The following ADCY1 variants were observed in gnomAD, a reference collection of about 807,000 sequenced individuals.
ADCY1 encodes the protein adenylate cyclase 1.
A neutral mutation model predicts 105.4 loss-of-function variants in ADCY1; 28 were observed. That is an observed-to-expected ratio of 0.27 (90% CI 0.20 to 0.36). The LOEUF is 0.36. Ranked by LOEUF, ADCY1 falls within the 10% of genes least tolerant of loss-of-function variation. The pLI is 1.00. For synonymous variants in ADCY1, 655 were observed against 623.8 expected, an observed-to-expected ratio of 1.05 and a Z score of -0.75; for missense variants, 977 against 1,434.2, an observed-to-expected ratio of 0.68 and a Z score of 5.15.
At chr7:45,704,687 G>A (rs1785074691) in intron 17 of ADCY1, 71 bp downstream of exon 17, 36 of 1,272,162 alleles carry the variant, frequency 2.8e-5, no homozygotes, top group Non-Finnish European at 4.0e-5. Context: ...CTGGGACCCT[G>A]GGTAGCTTCC....
intron 3 of ADCY1, among the ~76,000 whole-genome samples, chr7:45,610,968 T>G (rs1793563738): frequency 7.4e-6 from 1 of 135,786 alleles, no homozygotes; most frequent in African/African-American, 2.8e-5. Flanking sequence ...GTAGAGGTGA[T>G]GGTGGAGGTG....
chr7:45,626,184 GC>G (rs1281988213), intron 4 of ADCY1, among the ~76,000 whole-genome samples: 3 of 152,226 alleles, frequency 2.0e-5, no homozygotes, highest in African/African-American at 7.2e-5. Flanking sequence ...CACAGAAGCA[GC>G]CACAAATACG....
intron 5 of ADCY1, among the ~76,000 whole-genome samples, chr7:45,652,068 A>G (rs1829648): frequency 0.019 from 2,933 of 152,252 alleles, 88 homozygotes; most frequent in African/African-American, 0.058. Context: ...GCGGAAGGCA[A>G]AGGGGAGGCA....
At chr7:45,707,637 C>T (rs1177466483) in intron 17 of ADCY1, among the ~76,000 whole-genome samples, 1 of 152,100 alleles carries the variant, frequency 6.6e-6, no homozygotes, top group Admixed American at 6.5e-5. Flanking sequence ...ATGGACAATA[C>T]CAAGAGTGAA....
intron 11 of ADCY1, among the ~76,000 whole-genome samples, chr7:45,680,999 A>G (rs539728429): frequency 6.6e-6 from 1 of 152,224 alleles, no homozygotes; most frequent in South Asian, 2.1e-4. Context: ...GCTTTCTGTG[A>G]CTCCACGAGA....
intron 2 of ADCY1, among the ~76,000 whole-genome samples, chr7:45,604,292 A>G (rs967580882): frequency 6.6e-6 from 1 of 152,208 alleles, no homozygotes; most frequent in African/African-American, 2.4e-5. Context: ...TATTTTCTCA[A>G]AACCTATAGT....
rs572179029 is a variant in ADCY1, at chr7:45,687,943, G to A, written c.2454+1270G>A. ...GCCCAGAGTTGGGGCACAGACACCA[G>A]ACAGGCACAGCCCAGAGGGTGCCCA... On this transcript the variant is annotated intron_variant, in intron 14 of 19. Transcript: ENST00000297323. Among the ~76,000 whole-genome samples the A allele has an allele frequency of 4.6e-5, 7 of 152,360 alleles. No individual in the cohort carries two copies. The South Asian group carries it at 1.5e-3, about 32-fold the overall frequency.
At chr7:45,700,200 C>T (rs531556483) in intron 14 of ADCY1, among the ~76,000 whole-genome samples, 2 of 152,276 alleles carry the variant, frequency 1.3e-5, no homozygotes, top group East Asian at 3.9e-4. Flanking sequence ...GTGCACCCTG[C>T]CCAGCCTGCC....
At chr7:45,617,073 T>A (rs1405310260) in intron 3 of ADCY1, among the ~76,000 whole-genome samples, 2 of 152,232 alleles carry the variant, frequency 1.3e-5, no homozygotes, top group African/African-American at 4.8e-5. Flanking sequence ...CCACACCGAT[T>A]CTGCAACCTA....
chr7:45,625,510 A>C (rs571683391), intron 4 of ADCY1, among the ~76,000 whole-genome samples: 1 of 152,138 alleles, frequency 6.6e-6, no homozygotes, highest in African/African-American at 2.4e-5. Flanking sequence ...TGAATGTGTG[A>C]ACATGGGTGT....
chr7:45,608,124 T>C (rs1793430819), intron 2 of ADCY1, among the ~76,000 whole-genome samples: 1 of 152,238 alleles, frequency 6.6e-6, no homozygotes, highest in Admixed American at 6.5e-5. Flanking sequence ...TTTTTTGACT[T>C]TTTAATGGTA....
At chr7:45,604,046 T>C (rs942501074) in intron 2 of ADCY1, among the ~76,000 whole-genome samples, 1 of 152,156 alleles carries the variant, frequency 6.6e-6, no homozygotes, top group Admixed American at 6.5e-5. Context: ...TGAACATAGG[T>C]ACTAATTTTT....
At chr7:45,660,250 T>A (rs910261592) in intron 7 of ADCY1, 67 bp downstream of exon 7, 1 of 1,583,526 alleles carries the variant, frequency 6.3e-7, no homozygotes, top group African/African-American at 1.4e-5. Flanking sequence ...GCTTTACAGA[T>A]GTGACTCCTC....
intron 2 of ADCY1, among the ~76,000 whole-genome samples, chr7:45,608,353 C>T (rs758065884): frequency 1.3e-5 from 2 of 152,200 alleles, no homozygotes; most frequent in Non-Finnish European, 2.9e-5. Flanking sequence ...TTCCACATGA[C>T]CTTTCAACTC....
intron 4 of ADCY1, among the ~76,000 whole-genome samples, chr7:45,634,981 T>C (rs562146980): frequency 6.6e-6 from 1 of 152,348 alleles, no homozygotes; most frequent in South Asian, 2.1e-4. Context: ...CATTTCCTTT[T>C]GTTGAATTTT....
At chr7:45,610,719 AGG>A (rs1562686857) in intron 3 of ADCY1, among the ~76,000 whole-genome samples, 12 of 18,826 alleles carry the variant, frequency 6.4e-4, no homozygotes, top group Non-Finnish European at 7.7e-4. Flanking sequence ...GGTGGAGGTG[AGG>A]AGGGGATAGT....
At chr7:45,659,167 G>A (rs566441319) in intron 6 of ADCY1, among the ~76,000 whole-genome samples, 2 of 152,174 alleles carry the variant, frequency 1.3e-5, no homozygotes, top group African/African-American at 2.4e-5. Flanking sequence ...GAAAGGCCTC[G>A]TGATCTCCTG....
Position 45,591,777 on chromosome 7 carries a change from G to T in ADCY1, c.640-982G>T, listed in dbSNP as rs1792924216. 6.6e-6 allele frequency among the ~76,000 whole-genome samples: 1 copy of T among 152,242 alleles called. No homozygotes were observed. Among genetic ancestry groups the T allele is most frequent in the Admixed American group, 6.5e-5 (1 of 15,290 alleles). On this transcript the variant is annotated intron_variant, in intron 1 of 19. Transcript: ENST00000297323. The surrounding 1 kb of genome is among the most constrained non-coding windows in gnomAD (Gnocchi z 4.1). ...GAGGAGACCGGCAGCAGGCAGTGGG[G>T]AGTGGGAAGTGATTGTGGAGGGGAA...
chr7:45,704,684 C>T (rs1785074476), intron 17 of ADCY1, 68 bp downstream of exon 17: 1 of 1,295,988 alleles, frequency 7.7e-7, no homozygotes, highest in Non-Finnish European at 1.1e-6. Context: ...GCTCTGGGAC[C>T]CTGGGTAGCT....
Sources: gnomAD v4.1 joint callset for allele counts (sites outside exome capture counted in the v4.1 genomes callset) on GRCh38, gnomAD v4.1.1 for gene constraint, Gnocchi (gnomAD v3.1) non-coding constraint, MANE v1.5 for transcripts, NCBI Gene and HGNC (gene_info 2026-07-23, HGNC 2026-07-21) for gene names.